Variants in AOAH observed in about 807,000 individuals in gnomAD.
AOAH encodes the protein acyloxyacyl hydrolase, also known as acyloxyacyl hydrolase (neutrophil).
A neutral mutation model predicts 92.2 loss-of-function variants in AOAH; 64 were observed. The observed-to-expected ratio is 0.69, with a 90% confidence interval of 0.57 to 0.86. The LOEUF (loss-of-function observed/expected upper bound fraction) is 0.86. Among genes scored for constraint, AOAH ranks in the 40% least tolerant of loss-of-function variants. The pLI is 0.00. For synonymous variants in AOAH, 263 were observed against 254.5 expected (o/e 1.03, Z -0.32); for missense variants, 656 against 694.6 (o/e 0.94, Z 0.62).
In AOAH at chr7:36,516,452, C is replaced by G. The variant is rs538662629; in HGVS notation, c.1600-3072G>C. On this transcript the variant is annotated intron_variant, in intron 20 of 20. Transcript: ENST00000617537. The surrounding 1 kb of genome is among the most constrained non-coding windows in gnomAD (Gnocchi z 5.0). Reference sequence around the variant, plus strand: ...CACGCAGATACCCCCCCCACACACACAGAAAGTGCACGGATACCACACACA... The same window carrying G: ...CACGCAGATACCCCCCCCACACACAGAGAAAGTGCACGGATACCACACACA... Among the ~76,000 whole-genome samples, 2 of 116,996 alleles carry G rather than the reference C, an allele frequency of 1.7e-5. 1 individual carries two copies. Among genetic ancestry groups the G allele is most frequent in the Admixed American group, 1.8e-4 (2 of 11,038 alleles). 76.8% of individuals were successfully genotyped at this position (116,996 alleles called of 152,430 possible).
intron 4 of AOAH, among the ~76,000 whole-genome samples, chr7:36,653,671 C>T (rs776306813): frequency 8.5e-5 from 13 of 152,088 alleles, no homozygotes; most frequent in Non-Finnish European, 1.5e-4. Context: ...TTCAGGAGGC[C>T]CCAGGGAAAT....
intron 14 of AOAH, 74 bp from the exon 15 acceptor site, chr7:36,548,760 G>T: frequency 1.4e-6 from 2 of 1,384,714 alleles, no homozygotes; most frequent in Non-Finnish European, 2.0e-6. Flanking sequence ...CACAGGCTGG[G>T]CCTTTGAAAA....
chr7:36,674,853 T>C (rs1796140587), intron 2 of AOAH, among the ~76,000 whole-genome samples: 1 of 152,262 alleles, frequency 6.6e-6, no homozygotes, highest in Non-Finnish European at 1.5e-5. Context: ...ATGGGAATGC[T>C]CCCTGGTACT....
At chr7:36,674,280 T>C (rs1410323090) in intron 2 of AOAH, among the ~76,000 whole-genome samples, 2 of 152,238 alleles carry the variant, frequency 1.3e-5, no homozygotes, top group African/African-American at 4.8e-5. Flanking sequence ...TTTTCGTTCA[T>C]TCTTTCTTTC....
intron 7 of AOAH, among the ~76,000 whole-genome samples, chr7:36,622,330 A>C (rs1792341133): frequency 6.6e-6 from 1 of 152,224 alleles, no homozygotes. Context: ...CAAATGATTA[A>C]TTTCATTGGA....
Position 36,516,256 on chromosome 7 carries a change from A to C in AOAH, c.1600-2876T>G, listed in dbSNP as rs896705892. On this transcript the variant is annotated intron_variant, in intron 20 of 20. Transcript: ENST00000617537. The surrounding 1 kb of genome is among the most constrained non-coding windows in gnomAD (Gnocchi z 5.0). ...ACACACCTCACACAGATACCACCAC[A>C]TGCACACTCACCACATACACATATA... 2.7e-5 allele frequency among the ~76,000 whole-genome samples: 4 copies of C among 149,130 alleles called. No individual in the cohort carries two copies. The highest frequency in any genetic ancestry group is 2.0e-4 in the Admixed American group (3 of 14,998).
chr7:36,704,171 C>A (rs927512397), intron 1 of AOAH, among the ~76,000 whole-genome samples: 2 of 151,994 alleles, frequency 1.3e-5, no homozygotes, highest in Admixed American at 1.3e-4. Flanking sequence ...TGTCTGTTCA[C>A]ATCCTTCGCC....
At chr7:36,714,443 T>C (rs1201596839) in intron 1 of AOAH, among the ~76,000 whole-genome samples, 9 of 152,056 alleles carry the variant, frequency 5.9e-5, no homozygotes, top group Middle Eastern at 3.2e-3. Context: ...TTCCAATCAA[T>C]AGAAAAAGAG....
intron 4 of AOAH, among the ~76,000 whole-genome samples, chr7:36,648,495 A>G (rs1794372384): frequency 6.6e-6 from 1 of 152,040 alleles, no homozygotes; most frequent in Non-Finnish European, 1.5e-5. Context: ...ATTACAAAAC[A>G]TTTACCCAGT....
At chr7:36,521,200 C>T (rs1784090650) in intron 20 of AOAH, among the ~76,000 whole-genome samples, 1 of 152,198 alleles carries the variant, frequency 6.6e-6, no homozygotes, top group Non-Finnish European at 1.5e-5. Flanking sequence ...TTGGTAGCCA[C>T]ACCATGCTTC....
chr7:36,538,460 G>A (rs866134338), intron 16 of AOAH, among the ~76,000 whole-genome samples: 29 of 152,176 alleles, frequency 1.9e-4, no homozygotes, highest in Middle Eastern at 6.8e-3. Context: ...ATGGCATATC[G>A]GAAAGAATTT....
rs1340709799 is a variant in AOAH, at chr7:36,678,590, T to C, written c.224-4581A>G. On this transcript the variant is annotated intron_variant, in intron 2 of 20. Transcript: ENST00000617537. ...GTGTGTGTGTGTGTGTGTGTGTGTG[T>C]GTGTGTGTGTGCGCGCGCGCGCGCG... 6.0e-3 allele frequency among the ~76,000 whole-genome samples: 557 copies of C among 93,428 alleles called. 9 individuals are homozygous for C. The East Asian group carries it at 0.071, about 12-fold the overall frequency. 61.3% of individuals were successfully genotyped at this position (93,428 alleles called of 152,430 possible).
chr7:36,659,215 CA>C lies in AOAH; in HGVS notation c.340del (p.Cys114ValfsTer37). On this transcript the variant is annotated frameshift_variant, in exon 4 of 21. Transcript: ENST00000617537. LOFTEE classifies it high-confidence loss of function. ...CAATGGTTGGCCAGTGTTCTGTTTACAAAACTCCAGAGTGTGACATACCACA... is the reference window on the plus strand; with the variant it reads ...CAATGGTTGGCCAGTGTTCTGTTTACAAACTCCAGAGTGTGACATACCACA... ...ADVVCHTLEF[C>X]KQNTGQPLCH... is the part of the protein sequence containing the mutation. The C allele has an allele frequency of 1.2e-6, 2 of 1,614,106 alleles. No individual in the cohort carries two copies. Among genetic ancestry groups the C allele is most frequent in the South Asian group, 2.2e-5 (2 of 91,082 alleles).
intron 11 of AOAH, among the ~76,000 whole-genome samples, chr7:36,596,204 T>C (rs558036093): frequency 3.4e-5 from 5 of 147,656 alleles, no homozygotes; most frequent in African/African-American, 1.3e-4. Context: ...AGATAACTCT[T>C]GTGAGATAAC....
intron 1 of AOAH, chr7:36,690,240 A>G: frequency 2.2e-6 from 1 of 451,132 alleles, no homozygotes; most frequent in East Asian, 7.0e-5. Flanking sequence ...CTGTCTCTGA[A>G]CACTGGGTGA....
At chr7:36,622,488 G>T (rs572363378) in intron 7 of AOAH, among the ~76,000 whole-genome samples, 23 of 152,104 alleles carry the variant, frequency 1.5e-4, no homozygotes, top group Non-Finnish European at 3.1e-4. Context: ...CAAACTTTTG[G>T]GACTTTGTGA....
intron 4 of AOAH, among the ~76,000 whole-genome samples, chr7:36,642,111 A>T (rs1793956010): frequency 6.6e-6 from 1 of 152,060 alleles, no homozygotes; most frequent in Non-Finnish European, 1.5e-5. Flanking sequence ...TCAGAATGTG[A>T]CCTTATTTGG....
intron 1 of AOAH, among the ~76,000 whole-genome samples, chr7:36,712,626 G>A (rs145392011): frequency 0.022 from 3,314 of 152,276 alleles, 49 homozygotes; most frequent in Non-Finnish European, 0.033. Context: ...GACTAACAGC[G>A]GATCTCTCAG....
chr7:36,653,089 A>C (rs1001069238), intron 4 of AOAH, among the ~76,000 whole-genome samples: 2 of 152,330 alleles, frequency 1.3e-5, no homozygotes, highest in African/African-American at 2.4e-5. Flanking sequence ...ACTTTTTATA[A>C]ATCTGAAATT....
Sources: allele counts gnomAD v4.1 joint callset (sites outside exome capture counted in the v4.1 genomes callset), GRCh38; gene constraint gnomAD v4.1.1; non-coding constraint Gnocchi (gnomAD v3.1); transcripts MANE v1.5; gene names NCBI Gene and HGNC (gene_info 2026-07-23, HGNC 2026-07-21).